LRIG1: variants seen among roughly 807,000 people sequenced by gnomAD.
The protein encoded by LRIG1 is leucine rich repeats and immunoglobulin like domains 1.
Under a neutral mutation model 99.2 loss-of-function variants are expected in LRIG1, and 48 were observed. That is an observed-to-expected ratio of 0.48 (90% CI 0.38 to 0.62). The LOEUF is 0.62. Among genes scored for constraint, LRIG1 ranks in the 20% least tolerant of loss-of-function variants. The pLI is 0.00. For missense variants in LRIG1, 1,646 were observed against 1,434.4 expected (o/e 1.15, Z -2.38); for synonymous variants, 772 against 596.1 (o/e 1.29, Z -4.30).
intron 1 of LRIG1, among the ~76,000 whole-genome samples, chr3:66,467,855 C>T (rs1575714553): frequency 6.6e-6 from 1 of 152,242 alleles, no homozygotes; most frequent in Non-Finnish European, 1.5e-5. Context: ...ATGTCACCTA[C>T]AGAAGCAACT....
At chr3:66,390,696 T>A (rs1484794982) in intron 12 of LRIG1, among the ~76,000 whole-genome samples, 5 of 152,166 alleles carry the variant, frequency 3.3e-5, no homozygotes, top group African/African-American at 1.2e-4. Context: ...TTTGTAACAC[T>A]AAGGTTATAA....
chr3:66,476,374 T>C (rs1000100149), intron 1 of LRIG1, among the ~76,000 whole-genome samples: 14 of 151,958 alleles, frequency 9.2e-5, no homozygotes, highest in African/African-American at 3.4e-4. Flanking sequence ...TCCCTTAGCC[T>C]CTCCTCTCCC....
chr3:66,392,527 G>C (rs987401062), intron 12 of LRIG1, among the ~76,000 whole-genome samples: 9 of 150,966 alleles, frequency 6.0e-5, no homozygotes, highest in African/African-American at 2.2e-4. Context: ...AGGAGTGGGA[G>C]ACTCCCATAA....
At chr3:66,398,269 C>A in intron 10 of LRIG1, 86 bp from the exon 11 acceptor site, 1 of 999,882 alleles carries the variant, frequency 1.0e-6, no homozygotes. Context: ...CACAGATGAC[C>A]CACAGGGACT....
chr3:66,477,012 G>C (rs12633269), intron 1 of LRIG1, among the ~76,000 whole-genome samples: 2 of 152,188 alleles, frequency 1.3e-5, no homozygotes, highest in East Asian at 1.9e-4. Flanking sequence ...CTTTAAATAC[G>C]TCTGTTGAGT....
chr3:66,454,158 G>C (rs142454512), intron 2 of LRIG1, among the ~76,000 whole-genome samples: 1 of 152,192 alleles, frequency 6.6e-6, no homozygotes, highest in African/African-American at 2.4e-5. Flanking sequence ...CCTGCACAGT[G>C]AGCTTACTTC....
intron 12 of LRIG1, among the ~76,000 whole-genome samples, chr3:66,389,205 A>G (rs558905748): frequency 1.3e-5 from 2 of 152,308 alleles, no homozygotes; most frequent in Admixed American, 6.5e-5. Context: ...TATGGGCAAA[A>G]CTAAGAAAAT....
chr3:66,413,108 A>C (rs1702521442), intron 5 of LRIG1, 94 bp from the exon 6 acceptor site: 2 of 1,440,484 alleles, frequency 1.4e-6, no homozygotes, highest in Non-Finnish European at 1.9e-6. Context: ...TCCAAGCCAG[A>C]GGAGAAATCC....
intron 3 of LRIG1, among the ~76,000 whole-genome samples, chr3:66,451,006 T>G (rs949310276): frequency 6.6e-6 from 1 of 152,240 alleles, no homozygotes; most frequent in African/African-American, 2.4e-5. Flanking sequence ...CCTTCATGTC[T>G]TTTTAGCTAA....
intron 12 of LRIG1, among the ~76,000 whole-genome samples, chr3:66,389,510 A>C (rs1404894924): frequency 3.3e-5 from 5 of 152,226 alleles, no homozygotes; most frequent in Non-Finnish European, 5.9e-5. Flanking sequence ...AGTCACCAAA[A>C]GAGAACTAAA....
In LRIG1 at chr3:66,382,329, T is replaced by A. The variant is rs532043742; in HGVS notation, c.2561A>T (p.Glu854Val). The A allele has an allele frequency of 3.7e-6, 6 of 1,614,196 alleles. No individual in the cohort carries two copies. The South Asian group carries it at 5.5e-5, about 15-fold the overall frequency. ...GCCACCCTCGGTCCTGACCACGGTT[T>A]CTTGTCGGTCAGAAAGGGTCCCCTG... ...SSQGTLSDRQ[E>V]TVVRTEGGPQ... Residue 854 changes from glutamate (E) to valine (V), a missense_variant, in exon 16 of 19, where the codon GAA (glutamate) becomes GTA (valine). Physicochemically the swap from Glu to Val is moderately radical, Grantham distance 121. Transcript: ENST00000273261.
intron 1 of LRIG1, among the ~76,000 whole-genome samples, chr3:66,482,837 G>C (rs1443687223): frequency 1.3e-5 from 2 of 152,114 alleles, no homozygotes; most frequent in Non-Finnish European, 2.9e-5. Context: ...AAATATTCAA[G>C]ATATTGAGTC....
chr3:66,394,678 C>T (rs1020239935), intron 11 of LRIG1, among the ~76,000 whole-genome samples: 1 of 152,246 alleles, frequency 6.6e-6, no homozygotes, highest in Non-Finnish European at 1.5e-5. Flanking sequence ...CTTCCAAACT[C>T]GGCCTGAGAC....
At chr3:66,456,082 C>G (rs545869888) in intron 2 of LRIG1, among the ~76,000 whole-genome samples, 5 of 152,192 alleles carry the variant, frequency 3.3e-5, no homozygotes, top group African/African-American at 7.2e-5. Flanking sequence ...ATGTTTAAAT[C>G]AGACATATCT....
Position 66,406,272 on chromosome 3 carries a change from A to C in LRIG1, c.1080-994T>G, listed in dbSNP as rs761069216. The C allele has an allele frequency of 8.1e-6, 8 of 985,318 alleles. No homozygotes were observed. In the Admixed American group the frequency reaches 4.9e-4, roughly 61 times the overall value. The allele number at this position is 985,318 out of a possible 1,614,324, so 61.0% of individuals were successfully genotyped here. A position where few individuals can be genotyped will look rare whatever the true frequency, so the allele number is the denominator to read the frequency against. On this transcript the variant is annotated intron_variant, in intron 8 of 18. Transcript: ENST00000273261. ...CAATGGGTTCCTTCCTATCATCTGC[A>C]TACTGAAAAAACCAGGAACCAGGGA...
intron 10 of LRIG1, 88 bp downstream of exon 10, chr3:66,398,882 A>T (rs1460770956): frequency 7.4e-6 from 8 of 1,077,590 alleles, no homozygotes; most frequent in Non-Finnish European, 1.1e-5. Flanking sequence ...TTCTCAGTTT[A>T]CAAAGATGCG....
In LRIG1 at chr3:66,403,483, G is replaced by C. The variant is rs540028954; in HGVS notation, c.1160+1715C>G. On this transcript the variant is annotated intron_variant, in intron 9 of 18. Coordinates refer to ENST00000273261, the MANE Select transcript of LRIG1 (RefSeq NM_015541.3). ...GGCTTCGATTTTAACAAGTTCCCAG[G>C]AGTCTCAGGACCAGCTCACTACAAA... is the stretch of plus-strand genomic sequence containing the variant. Among the ~76,000 whole-genome samples, 3 of 152,230 alleles carry C rather than the reference G, an allele frequency of 2.0e-5. No individual in the cohort carries two copies. The Middle Eastern group carries it at 0.01, about 518-fold the overall frequency.
rs200213153 is a variant in LRIG1, at chr3:66,383,261, G to A, written c.2212C>T (p.Arg738Trp). 9.1e-5 allele frequency: 147 copies of A among 1,614,088 alleles called. No homozygotes were observed. Among genetic ancestry groups the A allele is most frequent in the East Asian group, 2.5e-4 (11 of 44,870 alleles). Residue 738 changes from arginine to tryptophan, a missense_variant, in exon 15 of 19, where the codon CGG becomes TGG. By Grantham distance (101) the Arg-to-Trp change is moderately radical (BLOSUM62 -3). Transcript: ENST00000273261. Reference sequence around the variant, plus strand: ...TGGTTGTCAGGGGTCAAGTGGTGCCGCTCAGTGAGGCTCAGCGGGCGGTCC... The same window carrying A: ...TGGTTGTCAGGGGTCAAGTGGTGCCACTCAGTGAGGCTCAGCGGGCGGTCC... ...KGDRPLSLTERHHLTPDNQLL... is the reference protein window; with the variant it reads ...KGDRPLSLTEWHHLTPDNQLL...
chr3:66,434,865 A>G (rs1327723608), intron 3 of LRIG1, among the ~76,000 whole-genome samples: 1 of 152,138 alleles, frequency 6.6e-6, no homozygotes, highest in Non-Finnish European at 1.5e-5. Flanking sequence ...ATTCTGGAAG[A>G]GTCTGACGGT....
Sources: allele counts gnomAD v4.1 joint callset (sites outside exome capture counted in the v4.1 genomes callset), GRCh38; gene constraint gnomAD v4.1.1; transcripts MANE v1.5; gene names NCBI Gene and HGNC (gene_info 2026-07-23, HGNC 2026-07-21).